LIPC: variants seen among roughly 807,000 people sequenced by gnomAD.
LIPC encodes the protein hepatic triacylglycerol lipase.
LIPC carries 44 observed loss-of-function variants against 50.7 expected under a neutral mutation model. The observed-to-expected ratio is 0.87, with a 90% CI of 0.68 to 1.11. The LOEUF (loss-of-function observed/expected upper bound fraction) is 1.11. Among genes scored for constraint, LIPC ranks in the 50% most tolerant of loss-of-function variants. The pLI, the probability that LIPC is intolerant of heterozygous loss-of-function variation, is 0.00. For synonymous variants in LIPC, 271 were observed against 256.4 expected (o/e 1.06, Z -0.54); for missense variants, 697 against 648.2 (o/e 1.08, Z -0.82).
chr15:58,444,424 G>A (rs567838), intron 1 of LIPC, among the ~76,000 whole-genome samples: 35,477 of 152,100 alleles, frequency 0.23, 4,412 homozygotes, highest in Non-Finnish European at 0.28. Context: ...ATGGTCACTC[G>A]ATATTCACAC....
intron 1 of LIPC, among the ~76,000 whole-genome samples, chr15:58,477,666 C>G (rs1205681124): frequency 1.3e-5 from 2 of 152,094 alleles, no homozygotes; most frequent in African/African-American, 4.8e-5. Context: ...ATTGGAAGCT[C>G]CCCCAGTGTC....
chr15:58,446,552 G>A (rs1165429445), intron 1 of LIPC, among the ~76,000 whole-genome samples: 2 of 152,140 alleles, frequency 1.3e-5, no homozygotes, highest in African/African-American at 4.8e-5. Flanking sequence ...TGTCTCCCCA[G>A]TGTCTGAGGT....
At chr15:58,458,759 ACAACTAG>A (rs1309429011) in intron 1 of LIPC, among the ~76,000 whole-genome samples, 1 of 152,160 alleles carries the variant, frequency 6.6e-6, no homozygotes, top group African/African-American at 2.4e-5. Context: ...CACATCTTAT[ACAACTAG>A]CTCCTGTCCC....
intron 1 of LIPC, among the ~76,000 whole-genome samples, chr15:58,485,810 G>A (rs1244446488): frequency 6.6e-6 from 1 of 152,256 alleles, no homozygotes; most frequent in Non-Finnish European, 1.5e-5. Flanking sequence ...CTTGGCCCTT[G>A]AGGCCCCTTC....
intron 1 of LIPC, among the ~76,000 whole-genome samples, chr15:58,519,849 T>C (rs1277307423): frequency 6.6e-6 from 1 of 152,186 alleles, no homozygotes; most frequent in African/African-American, 2.4e-5. Context: ...ACAGATCAGA[T>C]GGGGGGCAGG....
intron 1 of LIPC, among the ~76,000 whole-genome samples, chr15:58,502,498 T>C (rs113952424): frequency 0.12 from 15,557 of 130,526 alleles, 1,036 homozygotes; most frequent in Non-Finnish European, 0.16. Context: ...TTGAATTCCA[T>C]GTAATTTTCT....
At chr15:58,439,680 G>T (rs1402225086) in intron 1 of LIPC, among the ~76,000 whole-genome samples, 1 of 152,194 alleles carries the variant, frequency 6.6e-6, no homozygotes, top group African/African-American at 2.4e-5. Context: ...TTGACTTCGT[G>T]ATCTGCCCGC....
chr15:58,563,000 T>C (rs572160242), intron 7 of LIPC, among the ~76,000 whole-genome samples: 62 of 152,352 alleles, frequency 4.1e-4, no homozygotes, highest in South Asian at 2.1e-3. Flanking sequence ...TGCATTTAAA[T>C]CTTGCTCTAA....
At chr15:58,450,150 T>A (rs746154141) in intron 1 of LIPC, among the ~76,000 whole-genome samples, 3 of 152,196 alleles carry the variant, frequency 2.0e-5, no homozygotes, top group Non-Finnish European at 4.4e-5. Context: ...CAATAGGTTG[T>A]CCCCTTTGCC....
intron 1 of LIPC, among the ~76,000 whole-genome samples, chr15:58,447,588 A>G (rs1287292014): frequency 1.3e-5 from 2 of 152,222 alleles, no homozygotes; most frequent in Admixed American, 6.5e-5. Context: ...CACAATGCTC[A>G]GGACCTCAAT....
At chr15:58,551,645 G>A (rs780352503) in intron 6 of LIPC, among the ~76,000 whole-genome samples, 1 of 152,130 alleles carries the variant, frequency 6.6e-6, no homozygotes, top group Non-Finnish European at 1.5e-5. Context: ...GGCCCCCAAA[G>A]CCTATTCCAC....
At chr15:58,511,273 C>G (rs1240807347) in intron 1 of LIPC, among the ~76,000 whole-genome samples, 1 of 152,128 alleles carries the variant, frequency 6.6e-6, no homozygotes, top group Admixed American at 6.5e-5. Flanking sequence ...AGTCCTCTTC[C>G]CCATTCTTCT....
chr15:58,563,531 C>T lies in LIPC; in HGVS notation c.1196C>T (p.Thr399Met), dbSNP rs775308938. Reference sequence around the variant, plus strand: ...GGCAAAGGAATTGCTAGTAATAAAACGTATTCCTTTCTTATCACGCTGGAT... The same window carrying T: ...GGCAAAGGAATTGCTAGTAATAAAATGTATTCCTTTCTTATCACGCTGGAT... ...TLGKGIASNKTYSFLITLDVD... is the reference protein window; with the variant it reads ...TLGKGIASNKMYSFLITLDVD... Residue 399 changes from threonine (T) to methionine (M), a missense_variant, in exon 8 of 9, where the codon ACG becomes ATG. Physicochemically the swap from Thr to Met is moderately conservative, Grantham distance 81 (BLOSUM62 -1). Coordinates refer to ENST00000299022, the MANE Select transcript of LIPC (RefSeq NM_000236.3). 61 of 1,613,926 alleles carry T rather than the reference C, an allele frequency of 3.8e-5. No individual in the cohort carries two copies. Among genetic ancestry groups the T allele is most frequent in the African/African-American group, 2.3e-4 (17 of 74,914 alleles).
chr15:58,541,924 G>A lies in LIPC; in HGVS notation c.413G>A (p.Arg138His), dbSNP rs376854598. The change falls in exon 3 of 9, where the codon CGC (arginine) becomes CAC (histidine). Residue 138 changes from arginine (R) to histidine (H), a missense_variant. By Grantham distance (29) the Arg-to-His change is conservative. Coordinates refer to ENST00000299022, the MANE Select transcript of LIPC (RefSeq NM_000236.3). ...DHYTIAVRNTRLVGKEVAALL... is the reference protein window; with the variant it reads ...DHYTIAVRNTHLVGKEVAALL... ...TACACCATCGCCGTCCGCAACACCC[G>A]CCTTGTGGGCAAGGAGGTCGCGGCT... 1.9e-6 allele frequency: 3 copies of A among 1,611,724 alleles called. No homozygotes were observed. Among genetic ancestry groups the A allele is most frequent in the East Asian group, 2.2e-5 (1 of 44,858 alleles).
intron 1 of LIPC, among the ~76,000 whole-genome samples, chr15:58,437,497 G>A (rs774539808): frequency 6.6e-6 from 1 of 152,058 alleles, no homozygotes; most frequent in Non-Finnish European, 1.5e-5. Context: ...GATATATAAA[G>A]GGTTTTAAGG....
chr15:58,567,341 ATATGTATATATATATATGTATATG>A (rs1566955221), intron 8 of LIPC, among the ~76,000 whole-genome samples: 5 of 16,776 alleles, frequency 3.0e-4, no homozygotes, highest in African/African-American at 1.3e-3. Flanking sequence ...ATATATATGT[ATATGTATATATATATATGTATATG>A]TATATATATA....
chr15:58,502,144 G>A (rs750852893), intron 1 of LIPC, among the ~76,000 whole-genome samples: 34 of 152,196 alleles, frequency 2.2e-4, no homozygotes, highest in Non-Finnish European at 4.7e-4. Context: ...AGTTCCCAGA[G>A]TGGGGCAGGA....
chr15:58,509,440 C>T (rs1006461983), intron 1 of LIPC, among the ~76,000 whole-genome samples: 5 of 152,242 alleles, frequency 3.3e-5, no homozygotes, highest in African/African-American at 1.2e-4. Flanking sequence ...AGGTTACTCT[C>T]TCTGAGTCTC....
intron 1 of LIPC, among the ~76,000 whole-genome samples, chr15:58,444,987 GT>G (rs1473299928): frequency 6.6e-6 from 1 of 152,218 alleles, no homozygotes; most frequent in Non-Finnish European, 1.5e-5. Context: ...TTGAAAGTGA[GT>G]AGTAAGTCCA....
Sources: allele counts gnomAD v4.1 joint callset (sites outside exome capture counted in the v4.1 genomes callset), GRCh38; gene constraint gnomAD v4.1.1; transcripts MANE v1.5; gene names NCBI Gene and HGNC (gene_info 2026-07-23, HGNC 2026-07-21).